CCZ1B: variants seen among roughly 807,000 people sequenced by gnomAD.
The protein encoded by CCZ1B is vacuolar fusion protein CCZ1 homolog B.
In CCZ1B, 25 loss-of-function variants were observed where a neutral mutation model predicts 58.8. The ratio of observed to expected loss-of-function variants is 0.43; its 90% CI spans 0.31 to 0.59. CCZ1B has a LOEUF of 0.59. Ranked by LOEUF, CCZ1B falls within the 20% of genes least tolerant of loss-of-function variation. The pLI, the probability that CCZ1B is intolerant of heterozygous loss-of-function variation, is 0.12. For synonymous variants in CCZ1B, 66 were observed against 173.2 expected (o/e 0.38, Z 4.86); for missense variants, 180 against 501.5 (o/e 0.36, Z 6.12).
intron 7 of CCZ1B, among the ~76,000 whole-genome samples, chr7:6,815,275 C>A (rs1782983018): frequency 6.8e-6 from 1 of 147,748 alleles, no homozygotes; most frequent in Non-Finnish European, 1.5e-5. Flanking sequence ...AAGCGGTCCT[C>A]CCATCTCAGC....
chr7:6,807,427 T>C (rs1782847803), intron 10 of CCZ1B, among the ~76,000 whole-genome samples: 1 of 137,862 alleles, frequency 7.3e-6, no homozygotes, highest in Non-Finnish European at 1.6e-5. Flanking sequence ...CAGAGAAAAA[T>C]CACAGAGATA....
Position 6,812,875 on chromosome 7 carries a change from G to A in CCZ1B, c.842+101C>T, listed in dbSNP as rs148747893. On this transcript the variant is annotated intron_variant, in intron 9 of 14. Transcript: ENST00000316731. Reference sequence around the variant, plus strand: ...CGGGGAGGCAGAGGTTGCAGTGAGCGGAGATCTTGCCACTGCTCTCCAGCC... The same window carrying A: ...CGGGGAGGCAGAGGTTGCAGTGAGCAGAGATCTTGCCACTGCTCTCCAGCC... The A allele has an allele frequency of 2.3e-3, 3,604 of 1,544,228 alleles. 346 individuals are homozygous for A. The African/African-American group carries it at 0.048, about 20-fold the overall frequency.
chr7:6,820,502 A>T (rs1583556667), intron 6 of CCZ1B, among the ~76,000 whole-genome samples: 1 of 147,674 alleles, frequency 6.8e-6, no homozygotes, highest in African/African-American at 2.6e-5. Flanking sequence ...TTTTTGGTAT[A>T]GACAGAGTCT....
intron 7 of CCZ1B, among the ~76,000 whole-genome samples, chr7:6,816,098 A>G (rs546753115): frequency 4.1e-5 from 6 of 148,020 alleles, no homozygotes; most frequent in East Asian, 3.9e-4. Context: ...CAGAGAAACT[A>G]GCAGGTATCA....
chr7:6,809,819 G>A (rs1332466774), intron 10 of CCZ1B, among the ~76,000 whole-genome samples: 3 of 144,386 alleles, frequency 2.1e-5, no homozygotes, highest in African/African-American at 5.3e-5. Flanking sequence ...GAGGTGGGGT[G>A]CCGCCAGCAG....
intron 10 of CCZ1B, among the ~76,000 whole-genome samples, chr7:6,810,600 G>A (rs1193873261): frequency 6.8e-6 from 1 of 148,118 alleles, no homozygotes; most frequent in Non-Finnish European, 1.5e-5. Flanking sequence ...CTACACATGA[G>A]CACTGCCATG....
intron 8 of CCZ1B, among the ~76,000 whole-genome samples, chr7:6,814,331 T>C (rs1187668157): frequency 1.3e-5 from 2 of 149,182 alleles, no homozygotes; most frequent in Non-Finnish European, 3.0e-5. Context: ...GGTCAGGAGT[T>C]CGAGACCAGC....
At chr7:6,817,707 A>G (rs1195300829) in intron 7 of CCZ1B, among the ~76,000 whole-genome samples, 1 of 149,802 alleles carries the variant, frequency 6.7e-6, no homozygotes, top group African/African-American at 2.5e-5. Flanking sequence ...CTGATAAACT[A>G]TTTGTCAAAT....
intron 9 of CCZ1B, 127 bp downstream of exon 9, chr7:6,812,849 C>T (rs1177822513): frequency 1.4e-5 from 22 of 1,534,920 alleles, no homozygotes; most frequent in Admixed American, 2.0e-5. Context: ...TCACTTGAGC[C>T]CGGGGAGGCA....
intron 7 of CCZ1B, among the ~76,000 whole-genome samples, chr7:6,817,505 G>A (rs1291120986): frequency 6.7e-6 from 1 of 149,726 alleles, no homozygotes. Flanking sequence ...CCCTATCGCC[G>A]TGGCTGCGTG....
At position 6,812,495 on chromosome 7, in the gene CCZ1B, CAAAAAAAAAAAAA is replaced by C. The variant is rs1171967639; in HGVS notation, c.843-445_843-433del. 320 of 85,548 alleles carry C rather than the reference CAAAAAAAAAAAAA, an allele frequency of 3.7e-3. 1 individual carries two copies. Among genetic ancestry groups the C allele is most frequent in the Middle Eastern group, 0.026 (4 of 156 alleles). The allele number at this position is 85,548 out of a possible 1,614,324, so 5.3% of individuals were successfully genotyped here. ...TGAGCGACAGAGAGACACTCCATCTCAAAAAAAAAAAAAAAAAAAAAAAAAGGGTATGCTGAAG... is the reference window on the plus strand; with the variant it reads ...TGAGCGACAGAGAGACACTCCATCTCAAAAAAAAAAAAGGGTATGCTGAAG... On this transcript the variant is annotated intron_variant, in intron 9 of 14. Coordinates refer to ENST00000316731, the MANE Select transcript of CCZ1B (RefSeq NM_198097.5).
In CCZ1B at chr7:6,824,641, T is replaced by C. The variant is rs756232734; in HGVS notation, c.217A>G (p.Arg73Gly). The change falls in exon 2 of 15, where the codon AGG (arginine) becomes GGG (glycine). Residue 73 changes from arginine to glycine, a missense_variant and splice_region_variant. Coordinates refer to ENST00000316731, the MANE Select transcript of CCZ1B (RefSeq NM_198097.5). ...TAAAGGCACACTTAGAGGTATTACC[T>C]TGTAAACTGTACAATAGCTTCACAC... Reference protein sequence around the residue: ...GLCEAIVQFTRTFSPSKPAKS... With the variant: ...GLCEAIVQFTGTFSPSKPAKS... 52 of 1,612,278 alleles carry C rather than the reference T, an allele frequency of 3.2e-5. No individual in the cohort carries two copies. Among genetic ancestry groups the C allele is most frequent in the Non-Finnish European group, 3.9e-5 (46 of 1,179,684 alleles).
chr7:6,822,259 A>G, intron 6 of CCZ1B, 22 bp downstream of exon 6: 1 of 1,563,316 alleles, frequency 6.4e-7, no homozygotes, highest in Non-Finnish European at 8.6e-7. Flanking sequence ...GTAAAGTTAT[A>G]AATGAAATTC....
intron 7 of CCZ1B, among the ~76,000 whole-genome samples, chr7:6,816,917 C>A (rs1458755492): frequency 4.7e-5 from 7 of 149,496 alleles, no homozygotes; most frequent in Non-Finnish European, 8.9e-5. Flanking sequence ...CACCACAATG[C>A]CCAGCTAATT....
chr7:6,812,705 T>C (rs1197414669), intron 9 of CCZ1B, among the ~76,000 whole-genome samples: 1 of 151,638 alleles, frequency 6.6e-6, no homozygotes, highest in Non-Finnish European at 1.5e-5. Flanking sequence ...GGTGGATCAC[T>C]TGAAGTCAGG....
At chr7:6,813,702 C>T (rs1261566476) in intron 8 of CCZ1B, among the ~76,000 whole-genome samples, 1 of 149,356 alleles carries the variant, frequency 6.7e-6, no homozygotes, top group Non-Finnish European at 1.5e-5. Context: ...CTGCAGGAAA[C>T]CAGGAAATTA....
At chr7:6,814,560 C>G in intron 8 of CCZ1B, 1 of 444,572 alleles carries the variant, frequency 2.2e-6, no homozygotes. Context: ...ACGATGCTTT[C>G]TGTATCACAT....
chr7:6,821,614 G>C (rs1378799663), intron 6 of CCZ1B, among the ~76,000 whole-genome samples: 5 of 151,344 alleles, frequency 3.3e-5, no homozygotes, highest in Admixed American at 3.3e-4. Flanking sequence ...TAGGCTAGGC[G>C]AGTTGGCTCA....
chr7:6,819,854 A>C lies in CCZ1B; in HGVS notation c.610T>G (p.Leu204Val), dbSNP rs751352317. 7.6e-6 allele frequency: 12 copies of C among 1,578,172 alleles called. No individual in the cohort carries two copies. The South Asian group carries it at 1.3e-4, about 18-fold the overall frequency. Residue 204 changes from leucine to valine, a missense_variant, in exon 7 of 15, where the codon TTG becomes GTG. Physicochemically the swap from Leu to Val is conservative, Grantham distance 32 (BLOSUM62 1). Coordinates refer to ENST00000316731, the MANE Select transcript of CCZ1B (RefSeq NM_198097.5). Reference sequence around the variant, plus strand: ...CTATTAATAAAGGACTGGATTTTCAAATAAGTCATTTTATCCAACGGGAAG... The same window carrying C: ...CTATTAATAAAGGACTGGATTTTCACATAAGTCATTTTATCCAACGGGAAG... The part of the protein sequence containing the change: ...SFFPLDKMTY[L>V]KIQSFINRME...
Sources: gnomAD v4.1 joint callset for allele counts (sites outside exome capture counted in the v4.1 genomes callset) on GRCh38, gnomAD v4.1.1 for gene constraint, MANE v1.5 for transcripts, NCBI Gene and HGNC (gene_info 2026-07-23, HGNC 2026-07-21) for gene names.